The following RERE variants were observed in gnomAD, a reference collection of about 807,000 sequenced individuals.
RERE encodes arginine-glutamic acid dipeptide repeats, also known as arginine-glutamic acid dipeptide repeats protein.
In RERE, 40 loss-of-function variants were observed where a neutral mutation model predicts 146.1. The observed-to-expected ratio is 0.27, with a 90% confidence interval of 0.21 to 0.36. RERE has a LOEUF of 0.36. RERE is among the 10% of genes least tolerant of loss of function. The pLI is 1.00. For missense variants in RERE, 1,933 were observed against 2,138.7 expected (o/e 0.90, Z 1.90); for synonymous variants, 1,003 against 866.0 (o/e 1.16, Z -2.78).
intron 12 of RERE, among the ~76,000 whole-genome samples, chr1:8,367,810 C>T (rs1449313302): frequency 2.6e-5 from 4 of 152,236 alleles, no homozygotes; most frequent in Non-Finnish European, 5.9e-5. Flanking sequence ...ATCTGTGAAC[C>T]TCCTAGCTCT....
chr1:8,533,630 C>A (rs1645686490), intron 7 of RERE, among the ~76,000 whole-genome samples: 1 of 152,210 alleles, frequency 6.6e-6, no homozygotes, highest in Non-Finnish European at 1.5e-5. Context: ...AATCCCAACC[C>A]TAAACAGGTG....
intron 1 of RERE, among the ~76,000 whole-genome samples, chr1:8,743,748 C>A (rs1319772700): frequency 6.6e-6 from 1 of 151,870 alleles, no homozygotes; most frequent in Non-Finnish European, 1.5e-5. Context: ...GGGCTCAGTC[C>A]CTCACTTATT....
rs1487793621 is a variant in RERE, at chr1:8,367,759, C to G, written c.1285-1785G>C. 2.0e-5 allele frequency among the ~76,000 whole-genome samples: 3 copies of G among 152,224 alleles called. 1 individual carries two copies. The highest frequency in any genetic ancestry group is 2.0e-4 in the Admixed American group (3 of 15,288). On this transcript the variant is annotated intron_variant, in intron 12 of 22. Transcript: ENST00000400908. ...GCTAGTCTAGGAATGCGAGCTACAA[C>G]TGTCCCAGCGGGCATGAGCATCCTG...
rs185517183 is a variant in RERE, at chr1:8,352,770, T to G, written c.*2317A>C. The G allele has an allele frequency of 6.6e-6, 1 of 152,492 alleles. No homozygotes were observed. The highest frequency in any genetic ancestry group is 1.9e-4 in the East Asian group (1 of 5,180). 9.4% of individuals were successfully genotyped at this position (152,492 alleles called of 1,614,324 possible). A position where few individuals can be genotyped will look rare whatever the true frequency, so the allele number is the denominator to read the frequency against. ...GGCCTCCTAAACAAACTGTAGTTTATCTGGTGAGGGTTTCGGGTCGAGGGT... is the reference window on the plus strand; with the variant it reads ...GGCCTCCTAAACAAACTGTAGTTTAGCTGGTGAGGGTTTCGGGTCGAGGGT... On this transcript the variant is annotated 3_prime_UTR_variant, in exon 23 of 23. Coordinates refer to ENST00000400908, the MANE Select transcript of RERE (RefSeq NM_001042681.2).
chr1:8,355,623 G>T (rs374863203), intron 21 of RERE, 24 bp from the exon 22 acceptor site: 5 of 1,549,156 alleles, frequency 3.2e-6, no homozygotes, highest in Non-Finnish European at 4.4e-6. Context: ...AACAACCTGC[G>T]CTACAGAAAT....
intron 13 of RERE, among the ~76,000 whole-genome samples, chr1:8,365,543 T>A (rs1281238466): frequency 6.6e-6 from 1 of 152,246 alleles, no homozygotes; most frequent in Non-Finnish European, 1.5e-5. Flanking sequence ...AAGACGTGTA[T>A]TTTTTGTAAA....
intron 12 of RERE, among the ~76,000 whole-genome samples, chr1:8,373,754 C>CCA (rs1642132842): frequency 6.6e-6 from 1 of 152,222 alleles, no homozygotes; most frequent in Non-Finnish European, 1.5e-5. Flanking sequence ...CTTTCCCTCC[C>CCA]CAACGATTCA....
At chr1:8,374,361 TA>T (rs908484177) in intron 12 of RERE, among the ~76,000 whole-genome samples, 20 of 147,954 alleles carry the variant, frequency 1.4e-4, no homozygotes, top group Middle Eastern at 7.6e-3. Flanking sequence ...AAAAATCAGT[TA>T]AAAAAAATTT....
chr1:8,750,050 G>A (rs1640499106), intron 1 of RERE, among the ~76,000 whole-genome samples: 1 of 148,018 alleles, frequency 6.8e-6, no homozygotes, highest in Non-Finnish European at 1.5e-5. Context: ...TACCCGGGAG[G>A]CTAAGACATG....
At chr1:8,415,143 T>C (rs1643726072) in intron 12 of RERE, among the ~76,000 whole-genome samples, 1 of 152,186 alleles carries the variant, frequency 6.6e-6, no homozygotes, top group African/African-American at 2.4e-5. Context: ...TCAGAATAGA[T>C]CTTACAAGGC....
intron 1 of RERE, chr1:8,750,412 T>G (rs1640509180): frequency 4.0e-6 from 3 of 750,738 alleles, no homozygotes; most frequent in Non-Finnish European, 7.1e-6. Context: ...ACCAGTAGCC[T>G]CTTTTTCCGG....
intron 1 of RERE, among the ~76,000 whole-genome samples, chr1:8,695,802 A>C (rs1482716015): frequency 6.6e-6 from 1 of 151,954 alleles, no homozygotes; most frequent in Non-Finnish European, 1.5e-5. Flanking sequence ...CAACCTACAA[A>C]ATAGCAGAAA....
At chr1:8,497,613 A>G in intron 8 of RERE, 84 bp from the exon 9 acceptor site, 1 of 1,463,912 alleles carries the variant, frequency 6.8e-7, no homozygotes, top group African/African-American at 1.4e-5. Context: ...TTAGGAACAT[A>G]TACAATGTTT....
At position 8,361,430 on chromosome 1, in the gene RERE, C is replaced by A; in HGVS notation, c.2077G>T (p.Val693Phe). 6.2e-7 allele frequency: 1 copy of A among 1,613,816 alleles called. No individual in the cohort carries two copies. Among genetic ancestry groups the A allele is most frequent in the Non-Finnish European group, 8.5e-7 (1 of 1,179,948 alleles). Residue 693 changes from valine to phenylalanine, a missense_variant, in exon 18 of 23, where the codon GTC (valine) becomes TTC (phenylalanine). This residue lies in a region of RERE where 1,255 missense variants were observed against 1,153.8 expected (regional missense o/e 1.09). Coordinates refer to ENST00000400908, the MANE Select transcript of RERE (RefSeq NM_001042681.2). ...GEGESSDSRS[V>F]NDEGSSDPKD... ...GGGTCACTGCTACCCTCATCGTTGA[C>A]GCTGCGACTGTCTGAACTCTCTCCC...
intron 9 of RERE, among the ~76,000 whole-genome samples, chr1:8,495,440 G>A (rs1026181392): frequency 2.0e-5 from 3 of 152,054 alleles, no homozygotes; most frequent in African/African-American, 7.2e-5. Flanking sequence ...TCGGCCTCCC[G>A]AGTAGCTGAG....
At chr1:8,723,975 T>C (rs540778462) in intron 1 of RERE, among the ~76,000 whole-genome samples, 1 of 152,208 alleles carries the variant, frequency 6.6e-6, no homozygotes, top group African/African-American at 2.4e-5. Flanking sequence ...TGAATCTATA[T>C]AGTCTCTGTG....
At chr1:8,427,853 A>G (rs559865893) in intron 11 of RERE, among the ~76,000 whole-genome samples, 1 of 152,274 alleles carries the variant, frequency 6.6e-6, no homozygotes. Flanking sequence ...TCACACGTGA[A>G]AGAGACTTCT....
chr1:8,720,610 G>T (rs1301227420), intron 1 of RERE, among the ~76,000 whole-genome samples: 1 of 152,142 alleles, frequency 6.6e-6, no homozygotes, highest in African/African-American at 2.4e-5. Flanking sequence ...GAGGGTGGAG[G>T]GTGCCGGCAA....
intron 1 of RERE, among the ~76,000 whole-genome samples, chr1:8,768,891 AAGG>A (rs1235883462): frequency 6.6e-6 from 1 of 152,206 alleles, no homozygotes; most frequent in Non-Finnish European, 1.5e-5. Context: ...GTACTTAGAG[AAGG>A]AGTTCATCAT....
Sources: gnomAD v4.1 joint callset for allele counts (sites outside exome capture counted in the v4.1 genomes callset) on GRCh38, gnomAD v4.1.1 for gene constraint, gnomAD v4.1.1 regional missense constraint, MANE v1.5 for transcripts, NCBI Gene and HGNC (gene_info 2026-07-23, HGNC 2026-07-21) for gene names.